MAPKAP1: variants seen among roughly 807,000 people sequenced by gnomAD.
MAPKAP1 encodes the protein MAPK associated protein 1.
A neutral mutation model predicts 65.7 loss-of-function variants in MAPKAP1; 20 were observed. The ratio of observed to expected loss-of-function variants is 0.30; its 90% CI spans 0.21 to 0.44. The LOEUF (loss-of-function observed/expected upper bound fraction) is 0.44, where lower values mean the gene tolerates loss of function less well. MAPKAP1 is among the 20% of genes least tolerant of loss of function. The probability of loss-of-function intolerance (pLI) is 1.00; values close to 1 mark genes in which losing one functional copy is unlikely to be tolerated. For missense variants in MAPKAP1, 423 were observed against 648.0 expected, an observed-to-expected ratio of 0.65 and a Z score of 3.77; for synonymous variants, 222 against 244.3, an observed-to-expected ratio of 0.91 and a Z score of 0.85.
intron 7 of MAPKAP1, 106 bp from the exon 8 acceptor site, chr9:125,506,523 T>C: frequency 1.1e-6 from 1 of 913,074 alleles, no homozygotes; most frequent in East Asian, 2.6e-5. Flanking sequence ...CTTAGTAAAG[T>C]GTTAAAGTCT....
At chr9:125,556,131 A>G (rs1461525028) in intron 6 of MAPKAP1, among the ~76,000 whole-genome samples, 3 of 152,256 alleles carry the variant, frequency 2.0e-5, no homozygotes, top group African/African-American at 7.2e-5. Context: ...TAAGTGCTTC[A>G]GATCTATTAA....
At chr9:125,614,424 G>A (rs970865095) in intron 4 of MAPKAP1, among the ~76,000 whole-genome samples, 2 of 152,126 alleles carry the variant, frequency 1.3e-5, no homozygotes, top group African/African-American at 4.8e-5. Context: ...AGGAGTTCGA[G>A]ACCAGCCTGG....
intron 1 of MAPKAP1, among the ~76,000 whole-genome samples, chr9:125,688,864 G>A (rs1236023744): frequency 6.6e-6 from 1 of 152,182 alleles, no homozygotes; most frequent in African/African-American, 2.4e-5. Context: ...CTAGTAAGAG[G>A]TGGAGTCAGG....
chr9:125,681,020 T>A (rs1834807093), intron 1 of MAPKAP1, among the ~76,000 whole-genome samples: 1 of 152,214 alleles, frequency 6.6e-6, no homozygotes, highest in South Asian at 2.1e-4. Context: ...AACAACATAT[T>A]TAATCCTTAC....
At chr9:125,555,538 T>C (rs1830712757) in intron 6 of MAPKAP1, among the ~76,000 whole-genome samples, 1 of 152,182 alleles carries the variant, frequency 6.6e-6, no homozygotes, top group Non-Finnish European at 1.5e-5. Context: ...GGCTTCCTGG[T>C]ATTTGAAAGG....
At chr9:125,585,835 G>T in intron 4 of MAPKAP1, 108 bp from the exon 5 acceptor site, 1 of 994,778 alleles carries the variant, frequency 1.0e-6, no homozygotes. Context: ...TTGCTCTACA[G>T]ACCTACTGTG....
intron 6 of MAPKAP1, 137 bp from the exon 7 acceptor site, chr9:125,543,305 C>T (rs1028698467): frequency 6.4e-6 from 4 of 621,370 alleles, no homozygotes; most frequent in Non-Finnish European, 1.1e-5. Flanking sequence ...CTCGCTCTGT[C>T]ACCCAGGCTG....
intron 6 of MAPKAP1, among the ~76,000 whole-genome samples, chr9:125,550,507 T>C (rs995695328): frequency 1.3e-5 from 2 of 152,250 alleles, no homozygotes; most frequent in African/African-American, 4.8e-5. Flanking sequence ...TGTGCTTTTA[T>C]GGTAGGAACA....
chr9:125,577,885 G>A (rs1238115519), intron 5 of MAPKAP1, among the ~76,000 whole-genome samples: 1 of 151,408 alleles, frequency 6.6e-6, no homozygotes, highest in Non-Finnish European at 1.5e-5. Context: ...CCCCTACTGG[G>A]AGGTGAGGAG....
intron 6 of MAPKAP1, among the ~76,000 whole-genome samples, chr9:125,551,618 AAGGAGATTCTGACCATTTTATT>A (rs1830587099): frequency 6.6e-6 from 1 of 152,060 alleles, no homozygotes; most frequent in Non-Finnish European, 1.5e-5. Flanking sequence ...CTTCTAACCT[AAGGAGATTCTGACCATTTTATT>A]GGCCTTGACT....
chr9:125,692,689 C>T (rs1443390864), intron 1 of MAPKAP1, among the ~76,000 whole-genome samples: 2 of 152,028 alleles, frequency 1.3e-5, no homozygotes, highest in Non-Finnish European at 2.9e-5. Flanking sequence ...GGGATAGAAA[C>T]ACAGGAAGGC....
intron 3 of MAPKAP1, among the ~76,000 whole-genome samples, chr9:125,665,821 A>C (rs1440598788): frequency 2.6e-4 from 40 of 152,202 alleles, no homozygotes; most frequent in Non-Finnish European, 8.8e-5. Flanking sequence ...CAATAATAGA[A>C]GTTACACAAA....
At chr9:125,474,484 C>T (rs1375458069) in intron 9 of MAPKAP1, among the ~76,000 whole-genome samples, 1 of 152,168 alleles carries the variant, frequency 6.6e-6, no homozygotes, top group Non-Finnish European at 1.5e-5. Flanking sequence ...TCACTGCTCC[C>T]TTGGTGAGCC....
chr9:125,560,002 A>C (rs955185624), intron 5 of MAPKAP1, among the ~76,000 whole-genome samples, 193 bp from the exon 6 acceptor site: 1 of 152,146 alleles, frequency 6.6e-6, no homozygotes, highest in African/African-American at 2.4e-5. Context: ...GGGGAGAAAA[A>C]CAGTGTGAAA....
At chr9:125,502,189 C>T (rs1829002129) in intron 8 of MAPKAP1, among the ~76,000 whole-genome samples, 1 of 151,910 alleles carries the variant, frequency 6.6e-6, no homozygotes, top group Non-Finnish European at 1.5e-5. Context: ...GCAACCTCCA[C>T]CTCCCAGGTT....
chr9:125,585,809 C>G lies in MAPKAP1; in HGVS notation c.499-82G>C, dbSNP rs1016049741. The G allele has an allele frequency of 3.6e-6, 5 of 1,371,968 alleles. No individual in the cohort carries two copies. The South Asian group carries it at 3.9e-5, about 11-fold the overall frequency. 85.0% of individuals were successfully genotyped at this position (1,371,968 alleles called of 1,614,324 possible). On this transcript the variant is annotated intron_variant, in intron 4 of 11. Coordinates refer to ENST00000265960, the MANE Select transcript of MAPKAP1 (RefSeq NM_001006617.3). ...CTGCTCTCCAGGCCTGTGGGCAGCA[C>G]AGCCATTTTTCATCCTTGCTCTACA...
At chr9:125,546,482 G>C (rs116851000) in intron 6 of MAPKAP1, among the ~76,000 whole-genome samples, 1 of 152,128 alleles carries the variant, frequency 6.6e-6, no homozygotes, top group Admixed American at 6.5e-5. Context: ...CTCAGCCTCC[G>C]TCTAGGTGCA....
At chr9:125,641,520 T>C in intron 4 of MAPKAP1, among the ~76,000 whole-genome samples, 1 of 152,198 alleles carries the variant, frequency 6.6e-6, no homozygotes, top group Non-Finnish European at 1.5e-5. Context: ...TTCTTATAAC[T>C]TCCCACATGA....
chr9:125,681,244 T>C (rs1834812593), intron 1 of MAPKAP1, among the ~76,000 whole-genome samples: 1 of 152,202 alleles, frequency 6.6e-6, no homozygotes, highest in South Asian at 2.1e-4. Flanking sequence ...ACCAACAGAA[T>C]ATAGGGGAAG....
Sources: allele counts gnomAD v4.1 joint callset (sites outside exome capture counted in the v4.1 genomes callset), GRCh38; gene constraint gnomAD v4.1.1; transcripts MANE v1.5; gene names NCBI Gene and HGNC (gene_info 2026-07-23, HGNC 2026-07-21).